The following NBPF10 variants were observed in gnomAD, a reference collection of about 807,000 sequenced individuals.
NBPF10 encodes the protein NBPF member 10.
Under a neutral mutation model 77.9 loss-of-function variants are expected in NBPF10, and 63 were observed. The ratio of observed to expected loss-of-function variants is 0.81; its 90% confidence interval spans 0.66 to 1.00. The LOEUF is 1.00. Among genes scored for constraint, NBPF10 ranks in the 50% least tolerant of loss-of-function variants. NBPF10 has a pLI of 0.00. For missense variants in NBPF10, 522 were observed against 679.8 expected (o/e 0.77, Z 2.58); for synonymous variants, 146 against 264.5 (o/e 0.55, Z 4.35).
intron 86 of NBPF10, among the ~76,000 whole-genome samples, 199 bp downstream of exon 86, chr1:146,069,344 G>C (rs199848003): frequency 1.1e-5 from 1 of 91,980 alleles, no homozygotes; most frequent in Non-Finnish European, 2.2e-5. Context: ...CCTGAGACTA[G>C]GAAGAGAGCC....
chr1:146,066,991 G>C (rs1386465698), intron 89 of NBPF10, among the ~76,000 whole-genome samples, 189 bp downstream of exon 89: 3 of 143,952 alleles, frequency 2.1e-5, no homozygotes, highest in Admixed American at 7.2e-5. Context: ...CCTATGGTAC[G>C]TTAGGAAATG....
chr1:146,126,042 A>G (rs1658582865), intron 14 of NBPF10, among the ~76,000 whole-genome samples, 194 bp downstream of exon 14: 2 of 151,782 alleles, frequency 1.3e-5, no homozygotes. Flanking sequence ...GACTAGGAAG[A>G]GAGCCTTGCT....
chr1:146,076,237 A>G lies in NBPF10; in HGVS notation c.9624-196T>C, dbSNP rs1190486557. ...AAAAGAATGAAAGAGAAAGACAGATAGACACACACACACACACACACACAC... is the reference window on the plus strand; with the variant it reads ...AAAAGAATGAAAGAGAAAGACAGATGGACACACACACACACACACACACAC... On this transcript the variant is annotated intron_variant, in intron 77 of 89. Transcript: ENST00000583866. Among the ~76,000 whole-genome samples, 2 of 7,812 alleles carry G rather than the reference A, an allele frequency of 2.6e-4. 1 individual carries two copies. The highest frequency in any genetic ancestry group is 5.7e-4 in the African/African-American group (2 of 3,500). 5.1% of individuals were successfully genotyped at this position (7,812 alleles called of 152,430 possible). A position where few individuals can be genotyped will look rare whatever the true frequency, so the allele number is the denominator to read the frequency against.
intron 13 of NBPF10, among the ~76,000 whole-genome samples, chr1:146,126,689 A>T (rs868953968): frequency 4.8e-5 from 7 of 145,758 alleles, no homozygotes; most frequent in Non-Finnish European, 9.1e-5. Context: ...GTCAAAGGAC[A>T]CTCTGTATTT....
intron 14 of NBPF10, 140 bp from the exon 15 acceptor site, chr1:146,125,656 C>T (rs1658514588): frequency 9.6e-6 from 5 of 523,300 alleles, no homozygotes; most frequent in South Asian, 6.0e-5. Flanking sequence ...CTTCAGGAGG[C>T]CTGAAGGCTG....
chr1:146,068,165 C>T, exon 88 of NBPF10: 2 of 448,210 alleles, frequency 4.5e-6, no homozygotes, highest in South Asian at 4.3e-5. Context: ...TCCAGCAGCT[C>T]CCTGCTGAGC....
chr1:146,136,725 C>G (rs587768881), intron 6 of NBPF10, among the ~76,000 whole-genome samples: 1 of 144,330 alleles, frequency 6.9e-6, no homozygotes, highest in African/African-American at 2.8e-5. Context: ...TCAGAATTCA[C>G]AGTCCCTGAG....
chr1:146,125,667 A>G, intron 14 of NBPF10, 151 bp from the exon 15 acceptor site: 1 of 520,332 alleles, frequency 1.9e-6, no homozygotes, highest in Non-Finnish European at 3.5e-6. Flanking sequence ...CTGAAGGCTG[A>G]TCACCACAGA....
At chr1:146,066,978 C>G (rs1216374981) in intron 89 of NBPF10, among the ~76,000 whole-genome samples, 1 of 144,440 alleles carries the variant, frequency 6.9e-6, no homozygotes, top group African/African-American at 2.5e-5. Flanking sequence ...GAAGTATGGT[C>G]AACCTATGGT....
chr1:146,066,757 C>CAGAGAG (rs782490649), intron 89 of NBPF10, among the ~76,000 whole-genome samples, 196 bp from the exon 90 acceptor site: 1 of 150,526 alleles, frequency 6.6e-6, no homozygotes, highest in Non-Finnish European at 1.5e-5. Context: ...AAGAGAAAGA[C>CAGAGAG]AGAGAGAGAG....
chr1:146,104,637 C>CAG (rs1657186438), intron 41 of NBPF10, among the ~76,000 whole-genome samples: 2 of 12,506 alleles, frequency 1.6e-4, no homozygotes, highest in African/African-American at 3.3e-4. Context: ...CACACACACA[C>CAG]AGAGAGAGAG....
chr1:146,128,977 C>T (rs1553791456), intron 11 of NBPF10, among the ~76,000 whole-genome samples: 1 of 151,618 alleles, frequency 6.6e-6, no homozygotes, highest in African/African-American at 2.4e-5. Context: ...TACCCCAAAA[C>T]CCCATCTGTA....
intron 88 of NBPF10, among the ~76,000 whole-genome samples, chr1:146,067,790 G>A (rs1553778302): frequency 2.6e-5 from 4 of 151,824 alleles, no homozygotes; most frequent in African/African-American, 9.7e-5. Flanking sequence ...CCACAGGTAT[G>A]GCCTGAGACT....
At chr1:146,076,302 C>CTGAGAGAG (rs1656048546) in intron 77 of NBPF10, among the ~76,000 whole-genome samples, 1 of 4,862 alleles carries the variant, frequency 2.1e-4, no homozygotes, top group African/African-American at 4.2e-4. Flanking sequence ...CACACACACA[C>CTGAGAGAG]AGAGAGAGAG....
chr1:146,067,083 C>T (rs77463801), intron 89 of NBPF10, 97 bp downstream of exon 89: 6 of 597,268 alleles, frequency 1.0e-5, no homozygotes, highest in Admixed American at 2.7e-5. Flanking sequence ...ATTCAGCCTT[C>T]GTTGAAAACA....
At chr1:146,143,103 TGAA>T (rs1335902901) in intron 1 of NBPF10, among the ~76,000 whole-genome samples, 1 of 125,156 alleles carries the variant, frequency 8.0e-6, no homozygotes, top group African/African-American at 2.6e-5. Context: ...CACTGGGGCA[TGAA>T]GTAGTGATTT....
intron 19 of NBPF10, among the ~76,000 whole-genome samples, chr1:146,121,907 C>A (rs1658221745): frequency 6.8e-6 from 1 of 147,210 alleles, no homozygotes; most frequent in Non-Finnish European, 1.5e-5. Context: ...AGAAAGTGAC[C>A]TAGTGAATTG....
intron 88 of NBPF10, 70 bp downstream of exon 88, chr1:146,067,933 T>A (rs1553778401): frequency 4.4e-6 from 3 of 684,706 alleles, no homozygotes; most frequent in East Asian, 2.8e-5. Flanking sequence ...AAGGGCCACT[T>A]GGAATAGGAA....
In NBPF10 at chr1:146,141,870, G is replaced by A. The variant is rs1553797488; in HGVS notation, c.279-52C>T. 62 of 1,151,288 alleles carry A rather than the reference G, an allele frequency of 5.4e-5. 4 individuals are homozygous for A. The highest frequency in any genetic ancestry group is 2.7e-4 in the Middle Eastern group (1 of 3,674). The allele number at this position is 1,151,288 out of a possible 1,614,324, so 71.3% of individuals were successfully genotyped here. On this transcript the variant is annotated intron_variant, in intron 2 of 89. Coordinates refer to ENST00000583866, the Ensembl canonical transcript of NBPF10. ...AAGAGTAGAAAGGGTTGAGTGATCC[G>A]TTCAAATATTGCAACAGAGACTTCT... is the stretch of plus-strand genomic sequence containing the variant.
Sources: gnomAD v4.1 joint callset for allele counts (sites outside exome capture counted in the v4.1 genomes callset) on GRCh38, gnomAD v4.1.1 for gene constraint, MANE v1.5 for transcripts, NCBI Gene and HGNC (gene_info 2026-07-23, HGNC 2026-07-21) for gene names.